ZER1: variants seen among roughly 807,000 people sequenced by gnomAD.
ZER1 encodes the protein zyg-11 related cell cycle regulator, also known as protein zer-1 homolog.
In ZER1, 11 loss-of-function variants were observed where a neutral mutation model predicts 78.8. The observed-to-expected ratio is 0.14, with a 90% CI of 0.09 to 0.23. ZER1 has a LOEUF of 0.23. Ranked by LOEUF, ZER1 falls within the 10% of genes least tolerant of loss-of-function variation. The pLI, the probability that ZER1 is intolerant of heterozygous loss-of-function variation, is 1.00. For synonymous variants in ZER1, 400 were observed against 407.0 expected (o/e 0.98, Z 0.21); for missense variants, 588 against 996.9 (o/e 0.59, Z 5.52).
Position 128,740,023 on chromosome 9 carries a change from G to T in ZER1, c.1950C>A (p.Gly650=). Reference sequence around the variant, plus strand: ...CCTCCTCACGCTGGGGCTCACAGACGCCCCAGGCCTCGGGTCCATCAAACA... The same window carrying T: ...CCTCCTCACGCTGGGGCTCACAGACTCCCCAGGCCTCGGGTCCATCAAACA... ...HIMFDGPEAW[G]VCEPQREEVE... Residue 650 remains glycine (G), a synonymous_variant, in exon 13 of 16, where the codon GGC becomes GGA. Coordinates refer to ENST00000291900, the MANE Select transcript of ZER1 (RefSeq NM_006336.4). This position sits in a 1 kb window ranked among gnomAD's most constrained non-coding sequence, Gnocchi z 4.4. The T allele has an allele frequency of 6.2e-7, 1 of 1,614,008 alleles. No individual in the cohort carries two copies. Among genetic ancestry groups the T allele is most frequent in the Non-Finnish European group, 8.5e-7 (1 of 1,179,952 alleles).
At chr9:128,763,512 G>A (rs1414867830) in intron 1 of ZER1, among the ~76,000 whole-genome samples, 6 of 152,226 alleles carry the variant, frequency 3.9e-5, no homozygotes, top group African/African-American at 1.4e-4. Flanking sequence ...TGAGCGAGCC[G>A]GACAAGGTCC....
Position 128,733,656 on chromosome 9 carries a change from G to T in ZER1, c.2141-128C>A. 2.5e-6 allele frequency: 2 copies of T among 787,842 alleles called. 1 individual carries two copies. Among genetic ancestry groups the T allele is most frequent in the Admixed American group, 4.6e-5 (2 of 43,040 alleles). 48.8% of individuals were successfully genotyped at this position (787,842 alleles called of 1,614,324 possible). ...TGTGAAGGCACAGCCCTTGGTGGGG[G>T]CAGTGCTAGAAATGGGGGCAAGACG... On this transcript the variant is annotated intron_variant, in intron 14 of 15. Coordinates refer to ENST00000291900, the MANE Select transcript of ZER1 (RefSeq NM_006336.4).
At chr9:128,770,605 T>G (rs1864353560) in intron 1 of ZER1, among the ~76,000 whole-genome samples, 1 of 152,196 alleles carries the variant, frequency 6.6e-6, no homozygotes, top group Non-Finnish European at 1.5e-5. Flanking sequence ...CCCATGGTCC[T>G]TCCTTCTCTA....
Position 128,740,429 on chromosome 9 carries a change from A to T in ZER1, c.1854-310T>A, listed in dbSNP as rs1213901316. The stretch of plus-strand genomic sequence containing the variant: ...CCCATCTCTACTAAAAATACAAAAA[A>T]ATTAGCTGGGCGTGGTGGCAGGCGC... On this transcript the variant is annotated intron_variant, in intron 12 of 15. Transcript: ENST00000291900. This position sits in a 1 kb window ranked among gnomAD's most constrained non-coding sequence, Gnocchi z 4.4. Among the ~76,000 whole-genome samples the T allele has an allele frequency of 6.6e-6, 1 of 151,832 alleles. No homozygotes were observed. The highest frequency in any genetic ancestry group is 1.5e-5 in the Non-Finnish European group (1 of 67,952).
Position 128,751,349 on chromosome 9 carries a change from G to C in ZER1, c.1038+64C>G. 6.2e-7 allele frequency: 1 copy of C among 1,611,002 alleles called. No individual in the cohort carries two copies. Among genetic ancestry groups the C allele is most frequent in the Non-Finnish European group, 8.5e-7 (1 of 1,177,578 alleles). On this transcript the variant is annotated intron_variant, in intron 6 of 15. Transcript: ENST00000291900. The surrounding 1 kb of genome is among the most constrained non-coding windows in gnomAD (Gnocchi z 5.4). Reference sequence around the variant, plus strand: ...GATCCCAGCTCAGTCTCCAGCCCCAGAATCCAGCTCCTTCTCTCTCCCAAG... The same window carrying C: ...GATCCCAGCTCAGTCTCCAGCCCCACAATCCAGCTCCTTCTCTCTCCCAAG...
At position 128,731,243 on chromosome 9, in the gene ZER1, G is replaced by T; in HGVS notation, c.*94C>A. ...CCCATGTCTCTTCACTCCGTGGGAG[G>T]CTCCCTCGGAAGGGGCCCGCCCGCT... On this transcript the variant is annotated 3_prime_UTR_variant, in exon 16 of 16. Transcript: ENST00000291900. 4 of 1,212,770 alleles carry T rather than the reference G, an allele frequency of 3.3e-6. No homozygotes were observed. The highest frequency in any genetic ancestry group is 2.8e-5 in the South Asian group (2 of 71,556). 75.1% of individuals were successfully genotyped at this position (1,212,770 alleles called of 1,614,324 possible).
chr9:128,771,985 G>T (rs1160909895), upstream of ZER1: 1 of 152,280 alleles, frequency 6.6e-6, no homozygotes, highest in East Asian at 1.9e-4. Flanking sequence ...CCCCCGACCC[G>T]TCCCGCGGCT....
intron 8 of ZER1, among the ~76,000 whole-genome samples, chr9:128,747,294 T>C (rs1863525668): frequency 6.6e-6 from 1 of 152,216 alleles, no homozygotes; most frequent in African/African-American, 2.4e-5. Flanking sequence ...TAATTAAGTA[T>C]AATTAACAAA....
intron 13 of ZER1, among the ~76,000 whole-genome samples, chr9:128,738,457 C>G (rs557740837): frequency 0.012 from 1,811 of 149,244 alleles, 45 homozygotes; most frequent in African/African-American, 0.043. Context: ...GCGATCTCGG[C>G]TAACTGCAAG....
rs1863663701 is a variant in ZER1, at chr9:128,751,144, T to C, written c.1163A>G (p.Asn388Ser). The change falls in exon 7 of 16, where the codon AAC (asparagine) becomes AGC (serine). Residue 388 changes from asparagine to serine, a missense_variant. Coordinates refer to ENST00000291900, the MANE Select transcript of ZER1 (RefSeq NM_006336.4). This position sits in a 1 kb window ranked among gnomAD's most constrained non-coding sequence, Gnocchi z 5.4. Reference sequence around the variant, plus strand: ...GACCTTCAGGGCCCGCAGCAGCTGGTTGCAACGCTCGATGCGGGCGATGTC... The same window carrying C: ...GACCTTCAGGGCCCGCAGCAGCTGGCTGCAACGCTCGATGCGGGCGATGTC... ...LFDIARIERC[N>S]QLLRALKLVI... 5 of 1,599,398 alleles carry C rather than the reference T, an allele frequency of 3.1e-6. No individual in the cohort carries two copies. The highest frequency in any genetic ancestry group is 2.7e-5 in the African/African-American group (2 of 74,784).
At chr9:128,738,454 C>T (rs537959635) in intron 13 of ZER1, among the ~76,000 whole-genome samples, 1,820 of 146,804 alleles carry the variant, frequency 0.012, 43 homozygotes, top group African/African-American at 0.044. Context: ...GGCGCGATCT[C>T]GGCTAACTGC....
At chr9:128,759,348 T>A (rs911858369) in intron 1 of ZER1, among the ~76,000 whole-genome samples, 23 of 151,388 alleles carry the variant, frequency 1.5e-4, no homozygotes, top group African/African-American at 5.6e-4. Flanking sequence ...TTTTTTTTTT[T>A]TTTTTTTTGG....
intron 1 of ZER1, among the ~76,000 whole-genome samples, chr9:128,768,367 AAC>A (rs1864280707): frequency 6.6e-6 from 1 of 152,176 alleles, no homozygotes; most frequent in African/African-American, 2.4e-5. Flanking sequence ...AGAGCTTCAG[AAC>A]ACACCTAATT....
upstream of ZER1, chr9:128,772,302 C>G (rs956302616): frequency 2.0e-5 from 3 of 152,396 alleles, no homozygotes; most frequent in African/African-American, 7.2e-5. Flanking sequence ...GTGGCTCACA[C>G]TCGCGTGTCA....
chr9:128,740,132 A>C lies in ZER1; in HGVS notation c.1854-13T>G. The C allele has an allele frequency of 9.5e-6, 15 of 1,580,672 alleles. No homozygotes were observed. The highest frequency in any genetic ancestry group is 1.3e-5 in the Non-Finnish European group (15 of 1,156,110). ...CTCCAACAGGTTGCTGCCAGGAGAA[A>C]GACAGAAAAATGGAGTCCCACTCCC... On this transcript the variant is annotated splice_polypyrimidine_tract_variant and intron_variant, in intron 12 of 15. Transcript: ENST00000291900. The surrounding 1 kb of genome is among the most constrained non-coding windows in gnomAD (Gnocchi z 4.4).
intron 8 of ZER1, among the ~76,000 whole-genome samples, chr9:128,748,712 C>T (rs1217524694): frequency 1.3e-5 from 2 of 151,940 alleles, no homozygotes; most frequent in Non-Finnish European, 2.9e-5. Flanking sequence ...GCTGGGACTA[C>T]AGGCGCCTGC....
rs764489496 is a variant in ZER1, at chr9:128,740,923, G to T, written c.1738-36C>A. On this transcript the variant is annotated intron_variant, in intron 11 of 15. Coordinates refer to ENST00000291900, the MANE Select transcript of ZER1 (RefSeq NM_006336.4). The surrounding 1 kb of genome is among the most constrained non-coding windows in gnomAD (Gnocchi z 4.4). ...GAGAGCCAATGGGCCGCATCAATTA[G>T]TACTTAATGACTTAGTATCTGGTAT... The T allele has an allele frequency of 1.3e-5, 10 of 776,316 alleles. No homozygotes were observed. The Admixed American group carries it at 1.6e-4, about 12-fold the overall frequency. 48.1% of individuals were successfully genotyped at this position (776,316 alleles called of 1,614,324 possible).
In ZER1 at chr9:128,731,269, G is replaced by T; in HGVS notation, c.*68C>A. 6 of 1,544,824 alleles carry T rather than the reference G, an allele frequency of 3.9e-6. No individual in the cohort carries two copies. The highest frequency in any genetic ancestry group is 1.2e-5 in the South Asian group (1 of 86,846). Reference sequence around the variant, plus strand: ...CTCCCTCGGAAGGGGCCCGCCCGCTGGGCTGCTTGAGCATGCTTCCTCCCC... The same window carrying T: ...CTCCCTCGGAAGGGGCCCGCCCGCTTGGCTGCTTGAGCATGCTTCCTCCCC... On this transcript the variant is annotated 3_prime_UTR_variant, in exon 16 of 16. Coordinates refer to ENST00000291900, the MANE Select transcript of ZER1 (RefSeq NM_006336.4).
intron 7 of ZER1, 36 bp from the exon 8 acceptor site, chr9:128,750,825 G>A (rs893396046): frequency 1.2e-6 from 2 of 1,612,350 alleles, no homozygotes; most frequent in Non-Finnish European, 1.7e-6. Flanking sequence ...GCTGGCAAGT[G>A]CAGGGAGAGG....
Sources: allele counts gnomAD v4.1 joint callset (sites outside exome capture counted in the v4.1 genomes callset), GRCh38; gene constraint gnomAD v4.1.1; non-coding constraint Gnocchi (gnomAD v3.1); transcripts MANE v1.5; gene names NCBI Gene and HGNC (gene_info 2026-07-23, HGNC 2026-07-21).